The following SPTBN1 variants were observed in gnomAD, a reference collection of about 807,000 sequenced individuals.
The protein encoded by SPTBN1 is spectrin beta, non-erythrocytic 1.
Under a neutral mutation model 266.4 loss-of-function variants are expected in SPTBN1, and 32 were observed. The observed-to-expected ratio is 0.12, with a 90% CI of 0.09 to 0.16. SPTBN1 has a LOEUF of 0.16. Among genes scored for constraint, SPTBN1 ranks in the 10% least tolerant of loss-of-function variants. SPTBN1 has a pLI of 1.00. For missense variants in SPTBN1, 2,296 were observed against 3,067.1 expected, an observed-to-expected ratio of 0.75 and a Z score of 5.94; for synonymous variants, 1,336 against 1,162.2, an observed-to-expected ratio of 1.15 and a Z score of -3.04.
chr2:54,492,341 GTTTTTTTGTTTT>G (rs1668732260), intron 1 of SPTBN1, among the ~76,000 whole-genome samples: 1 of 88,392 alleles, frequency 1.1e-5, no homozygotes, highest in Admixed American at 1.2e-4. Flanking sequence ...GTCTGCAGTT[GTTTTTTTGTTTT>G]TTTTTTTTTT....
intron 1 of SPTBN1, among the ~76,000 whole-genome samples, chr2:54,480,011 G>T (rs1394431899): frequency 6.6e-6 from 1 of 152,034 alleles, no homozygotes; most frequent in Non-Finnish European, 1.5e-5. Context: ...TCCATTTATG[G>T]CACCTGCTCA....
intron 2 of SPTBN1, among the ~76,000 whole-genome samples, chr2:54,587,600 A>G (rs554314536): frequency 2.5e-4 from 38 of 152,330 alleles, no homozygotes; most frequent in African/African-American, 8.7e-4. Flanking sequence ...CTGGAGGAGA[A>G]GAGGTGATGG....
In SPTBN1 at chr2:54,637,776, A is replaced by G. The variant is rs1572727260; in HGVS notation, c.3831A>G (p.Leu1277=). The G allele has an allele frequency of 1.2e-6, 2 of 1,613,916 alleles. No homozygotes were observed. The highest frequency in any genetic ancestry group is 2.2e-5 in the East Asian group (1 of 44,882). ...TGAGGTTGAAGGACAACAGGGATCT[A>G]CAGAAATTCCTGCAAGATTGTCAAG... ...LLMRLKDNRD[L]QKFLQDCQEL... is the part of the protein sequence containing the mutation. Residue 1277 remains leucine, a synonymous_variant, in exon 18 of 36, where the codon CTA becomes CTG. Transcript: ENST00000356805.
At chr2:54,486,114 G>A (rs1442644558) in intron 1 of SPTBN1, among the ~76,000 whole-genome samples, 5 of 132,954 alleles carry the variant, frequency 3.8e-5, no homozygotes, top group African/African-American at 8.8e-5. Context: ...TCAGCCCCAC[G>A]CCCGGCCAGC....
intron 2 of SPTBN1, among the ~76,000 whole-genome samples, chr2:54,542,066 G>A (rs1671971360): frequency 6.6e-6 from 1 of 152,202 alleles, no homozygotes; most frequent in Non-Finnish European, 1.5e-5. Flanking sequence ...ATTAGAATGA[G>A]TGCTTATTGA....
intron 1 of SPTBN1, among the ~76,000 whole-genome samples, chr2:54,468,335 TAA>T (rs1221336199): frequency 6.8e-6 from 1 of 147,080 alleles, no homozygotes; most frequent in African/African-American, 2.7e-5. Flanking sequence ...AAATAAAAAA[TAA>T]AAAAATAAAA....
Position 54,491,067 on chromosome 2 carries a change from A to G in SPTBN1, c.-48+34549A>G, listed in dbSNP as rs1005379608. Among the ~76,000 whole-genome samples, 6 of 152,160 alleles carry G rather than the reference A, an allele frequency of 3.9e-5. No individual in the cohort carries two copies. In the South Asian group the frequency reaches 1.0e-3, roughly 26 times the overall value. ...TCTGGCATGGAAGAGGATGGATTTC[A>G]GTTGGGCAAAATTCAGAGCAGGGAA... On this transcript the variant is annotated intron_variant, in intron 1 of 35. Transcript: ENST00000356805.
At chr2:54,607,607 ACT>A (rs888557004) in intron 3 of SPTBN1, among the ~76,000 whole-genome samples, 9 of 151,746 alleles carry the variant, frequency 5.9e-5, no homozygotes, top group Non-Finnish European at 8.8e-5. Context: ...ACAGAGCGAG[ACT>A]CTGTCTCAAA....
chr2:54,650,127 T>A, intron 26 of SPTBN1, 138 bp downstream of exon 26: 1 of 1,133,538 alleles, frequency 8.8e-7, no homozygotes, highest in Non-Finnish European at 1.2e-6. Flanking sequence ...ACCCACTTTG[T>A]AATAGTGCTC....
intron 1 of SPTBN1, among the ~76,000 whole-genome samples, chr2:54,485,191 C>A (rs1334676455): frequency 2.7e-5 from 4 of 145,780 alleles, no homozygotes; most frequent in Non-Finnish European, 4.6e-5. Flanking sequence ...TCTCCGTCTC[C>A]CTCTCGGTCT....
Position 54,628,039 on chromosome 2 carries a change from T to G in SPTBN1, c.1645-58T>G. 6.5e-7 allele frequency: 1 copy of G among 1,541,188 alleles called. No individual in the cohort carries two copies. Among genetic ancestry groups the G allele is most frequent in the Non-Finnish European group, 8.8e-7 (1 of 1,140,728 alleles). ...GCTCTCTGCTTGTCGAAAGATGATG[T>G]GATGCTGAAGTCAAGGCTATAGTCA... is the stretch of plus-strand genomic sequence containing the variant. On this transcript the variant is annotated intron_variant, in intron 12 of 35. Coordinates refer to ENST00000356805, the MANE Select transcript of SPTBN1 (RefSeq NM_003128.3). This position sits in a 1 kb window ranked among gnomAD's most constrained non-coding sequence, Gnocchi z 4.3.
chr2:54,646,377 G>A lies in SPTBN1; in HGVS notation c.4768G>A (p.Glu1590Lys). The A allele has an allele frequency of 6.2e-7, 1 of 1,613,442 alleles. No homozygotes were observed. Among genetic ancestry groups the A allele is most frequent in the Non-Finnish European group, 8.5e-7 (1 of 1,179,726 alleles). ...AGAGAAACGCCACAGGCGGCTGGAG[G>A]AGGCGCACAGGGCCCAGCAGTACTA... Reference protein sequence around the residue: ...ETEKRHRRLEEAHRAQQYYFD... With the variant: ...ETEKRHRRLEKAHRAQQYYFD... Residue 1590 changes from glutamate to lysine, a missense_variant, in exon 23 of 36, where the codon GAG (glutamate) becomes AAG (lysine). Glu to Lys is a moderately conservative substitution (Grantham distance 56). Coordinates refer to ENST00000356805, the MANE Select transcript of SPTBN1 (RefSeq NM_003128.3). This position sits in a 1 kb window ranked among gnomAD's most constrained non-coding sequence, Gnocchi z 4.4.
At chr2:54,599,566 A>G (rs1676337494) in intron 3 of SPTBN1, among the ~76,000 whole-genome samples, 1 of 152,236 alleles carries the variant, frequency 6.6e-6, no homozygotes, top group African/African-American at 2.4e-5. Context: ...GCTGGCTTCT[A>G]GATGAACCTG....
rs1572747690 is a variant in SPTBN1, at chr2:54,646,965, T to C, written c.4867-166T>C. ...ACAGGCTTCTGTGGTCCAGTCCATA[T>C]GGAAGCTCTTGGAACACTTCTGTGT... On this transcript the variant is annotated intron_variant, in intron 23 of 35. Transcript: ENST00000356805. The surrounding 1 kb of genome is among the most constrained non-coding windows in gnomAD (Gnocchi z 4.4). Among the ~76,000 whole-genome samples the C allele has an allele frequency of 6.6e-6, 1 of 152,214 alleles. No homozygotes were observed. The highest frequency in any genetic ancestry group is 2.4e-5 in the African/African-American group (1 of 41,458).
In SPTBN1 at chr2:54,648,984, A is replaced by G; in HGVS notation, c.4998-2A>G. On this transcript the variant is annotated splice_acceptor_variant, in intron 24 of 35. Transcript: ENST00000356805. LOFTEE classifies it high-confidence loss of function. ...CTCCCCATTGCTCCTTTTCTTTTTC[A>G]GTGAGCGCATTAGCATGCGGCAGTC... is the stretch of plus-strand genomic sequence containing the variant. 1 of 1,590,488 alleles carries G rather than the reference A, an allele frequency of 6.3e-7. No homozygotes were observed. Among genetic ancestry groups the G allele is most frequent in the Non-Finnish European group, 8.6e-7 (1 of 1,163,600 alleles).
At chr2:54,665,768 AG>A in intron 33 of SPTBN1, 146 bp from the exon 34 acceptor site, 1 of 919,980 alleles carries the variant, frequency 1.1e-6, no homozygotes, top group Non-Finnish European at 1.6e-6. Context: ...GAATTTAGGA[AG>A]GGCTTGTAAT....
intron 2 of SPTBN1, among the ~76,000 whole-genome samples, chr2:54,592,457 T>A (rs1249788610): frequency 1.3e-5 from 2 of 152,000 alleles, no homozygotes; most frequent in African/African-American, 4.8e-5. Context: ...CCACCTTGGC[T>A]CACCGCAACC....
Position 54,539,574 on chromosome 2 carries a change from C to T in SPTBN1, c.148+13008C>T, listed in dbSNP as rs115885753. On this transcript the variant is annotated intron_variant, in intron 2 of 35. Coordinates refer to ENST00000356805, the MANE Select transcript of SPTBN1 (RefSeq NM_003128.3). ...TTTTTTGTTGAGACAGGGTCTTGCT[C>T]TGTCATCCAGACTGGAGTGCAGTGG... is the stretch of plus-strand genomic sequence containing the variant. Among the ~76,000 whole-genome samples the T allele has an allele frequency of 7.5e-3, 1,145 of 152,266 alleles. 8 individuals are homozygous for T. The highest frequency in any genetic ancestry group is 0.011 in the Non-Finnish European group (728 of 68,018).
chr2:54,485,331 C>G (rs1015798913), intron 1 of SPTBN1, among the ~76,000 whole-genome samples: 1 of 151,926 alleles, frequency 6.6e-6, no homozygotes, highest in African/African-American at 2.4e-5. Context: ...CCTGCAATTG[C>G]AGGCACGCGC....
Sources: gnomAD v4.1 joint callset for allele counts (sites outside exome capture counted in the v4.1 genomes callset) on GRCh38, gnomAD v4.1.1 for gene constraint, Gnocchi (gnomAD v3.1) non-coding constraint, MANE v1.5 for transcripts, NCBI Gene and HGNC (gene_info 2026-07-23, HGNC 2026-07-21) for gene names.